TRAK1: variants seen among roughly 807,000 people sequenced by gnomAD.
TRAK1 encodes the protein trafficking kinesin protein 1.
TRAK1 carries 33 observed loss-of-function variants against 92.1 expected under a neutral mutation model. The observed-to-expected ratio is 0.36, with a 90% confidence interval of 0.27 to 0.48. The LOEUF (loss-of-function observed/expected upper bound fraction) is 0.48, where lower values mean the gene tolerates loss of function less well. Among genes scored for constraint, TRAK1 ranks in the 20% least tolerant of loss-of-function variants. The pLI is 0.99. For missense variants in TRAK1, 1,123 were observed against 1,257.9 expected (o/e 0.89, Z 1.62); for synonymous variants, 521 against 517.3 (o/e 1.01, Z -0.10).
chr3:42,096,217 A>G (rs963255221), intron 1 of TRAK1, among the ~76,000 whole-genome samples: 1 of 152,194 alleles, frequency 6.6e-6, no homozygotes, highest in African/African-American at 2.4e-5. Context: ...AAATTCATAG[A>G]TAACGAATCC....
At chr3:42,216,568 GGT>G (rs1709715810) in intron 14 of TRAK1, among the ~76,000 whole-genome samples, 2 of 152,168 alleles carry the variant, frequency 1.3e-5, no homozygotes. Context: ...GCTTGCATGT[GGT>G]GTGTTTTAAG....
intron 1 of TRAK1, among the ~76,000 whole-genome samples, chr3:42,048,979 G>C (rs781000341): frequency 1.3e-5 from 2 of 152,116 alleles, no homozygotes; most frequent in South Asian, 4.1e-4. Context: ...TCTCAACCTC[G>C]TGGCCTCAAG....
intron 14 of TRAK1, chr3:42,218,754 A>G: frequency 1.0e-6 from 1 of 985,374 alleles, no homozygotes; most frequent in Non-Finnish European, 1.2e-6. Flanking sequence ...TCCCATTTTC[A>G]TTAGAAATCA....
chr3:42,136,862 T>C (rs931374992), intron 2 of TRAK1, among the ~76,000 whole-genome samples: 1 of 152,036 alleles, frequency 6.6e-6, no homozygotes, highest in Admixed American at 6.5e-5. Flanking sequence ...TTTGTGTTTT[T>C]AGTAAAGACA....
At chr3:42,168,396 A>G (rs1443494442) in intron 2 of TRAK1, among the ~76,000 whole-genome samples, 2 of 152,190 alleles carry the variant, frequency 1.3e-5, no homozygotes, top group Non-Finnish European at 2.9e-5. Flanking sequence ...CTTGAGTGTC[A>G]TTTATTTGGT....
At chr3:42,148,817 G>T (rs547106998) in intron 2 of TRAK1, among the ~76,000 whole-genome samples, 1 of 152,266 alleles carries the variant, frequency 6.6e-6, no homozygotes, top group African/African-American at 2.4e-5. Context: ...AATTATAGAA[G>T]ATGTTTAATG....
rs139290431 is a variant in TRAK1, at chr3:42,041,051, GT to G, written c.-519+26944del. Among the ~76,000 whole-genome samples, 339 of 141,214 alleles carry G rather than the reference GT, an allele frequency of 2.4e-3. 1 individual carries two copies. Among genetic ancestry groups the G allele is most frequent in the Non-Finnish European group, 4.0e-3 (260 of 64,372 alleles). The allele number at this position is 141,214 out of a possible 152,430, so 92.6% of individuals were successfully genotyped here. ...GTGTGAGTCCTCCAACTTTGTTGTT[GT>G]TTTTTTTTTCCCCAAGATTATTTTG... On this transcript the variant is annotated intron_variant, in intron 1 of 16. Coordinates refer to the TRAK1 transcript ENST00000487159.
chr3:42,101,632 T>C (rs1378715440), intron 1 of TRAK1, among the ~76,000 whole-genome samples: 1 of 152,190 alleles, frequency 6.6e-6, no homozygotes, highest in African/African-American at 2.4e-5. Context: ...CAACTGCTTG[T>C]CTCTGCTGTT....
intron 1 of TRAK1, among the ~76,000 whole-genome samples, chr3:42,017,614 T>C (rs1701574435): frequency 6.6e-6 from 1 of 152,218 alleles, no homozygotes; most frequent in Non-Finnish European, 1.5e-5. Flanking sequence ...CAGTAAATAA[T>C]TGCATATGTG....
intron 1 of TRAK1, among the ~76,000 whole-genome samples, chr3:42,031,972 A>G (rs906653117): frequency 6.6e-6 from 1 of 151,994 alleles, no homozygotes; most frequent in Non-Finnish European, 1.5e-5. Flanking sequence ...TGAGCACAGC[A>G]TGGGTTAGGG....
intron 14 of TRAK1, chr3:42,211,781 A>G (rs1709071012): frequency 2.0e-6 from 2 of 985,326 alleles, no homozygotes; most frequent in African/African-American, 3.5e-5. Flanking sequence ...CTTAAAATAA[A>G]CACTGACATT....
chr3:42,219,800 T>TG (rs1271773375), intron 15 of TRAK1, among the ~76,000 whole-genome samples: 4 of 142,912 alleles, frequency 2.8e-5, no homozygotes, highest in South Asian at 2.4e-4. Context: ...TTTTTTTTTT[T>TG]TTTTTTTTTT....
chr3:42,042,628 C>T (rs1702592072), intron 1 of TRAK1, among the ~76,000 whole-genome samples: 1 of 152,032 alleles, frequency 6.6e-6, no homozygotes, highest in African/African-American at 2.4e-5. Flanking sequence ...GCCTTGGCCT[C>T]CCAAAGTGCT....
intron 1 of TRAK1, among the ~76,000 whole-genome samples, chr3:42,113,515 G>A (rs1019368125): frequency 1.3e-5 from 2 of 151,720 alleles, no homozygotes; most frequent in African/African-American, 2.4e-5. Flanking sequence ...CTGGGTTCAA[G>A]TGATCCTCCT....
chr3:42,207,171 C>T (rs1002111663), intron 13 of TRAK1, among the ~76,000 whole-genome samples: 7 of 152,154 alleles, frequency 4.6e-5, no homozygotes, highest in African/African-American at 1.7e-4. Flanking sequence ...CTCCAGTGTA[C>T]AGTCCCAAAC....
At chr3:42,071,053 C>A (rs1703911905) in intron 1 of TRAK1, among the ~76,000 whole-genome samples, 1 of 152,136 alleles carries the variant, frequency 6.6e-6, no homozygotes, top group Non-Finnish European at 1.5e-5. Context: ...AGTTTTTGGA[C>A]AAATAACTCC....
At chr3:42,124,772 C>G (rs1710345311) in intron 1 of TRAK1, among the ~76,000 whole-genome samples, 1 of 152,206 alleles carries the variant, frequency 6.6e-6, no homozygotes, top group Admixed American at 6.5e-5. Context: ...ATTAATTCTG[C>G]TTGGTGTGCT....
At chr3:42,142,436 G>A (rs188981303) in intron 2 of TRAK1, among the ~76,000 whole-genome samples, 1 of 152,254 alleles carries the variant, frequency 6.6e-6, no homozygotes, top group Non-Finnish European at 1.5e-5. Context: ...CCCAGTGTGG[G>A]CAGTCAGCTC....
intron 2 of TRAK1, among the ~76,000 whole-genome samples, chr3:42,129,819 T>G (rs1476603909): frequency 6.6e-6 from 1 of 152,096 alleles, no homozygotes; most frequent in African/African-American, 2.4e-5. Flanking sequence ...CTAGTTTGTC[T>G]GGTCTGACTC....
Sources: allele counts gnomAD v4.1 joint callset (sites outside exome capture counted in the v4.1 genomes callset), GRCh38; gene constraint gnomAD v4.1.1; transcripts MANE v1.5; gene names NCBI Gene and HGNC (gene_info 2026-07-23, HGNC 2026-07-21).